The following SEMA3A variants were observed in gnomAD, a reference collection of about 807,000 sequenced individuals.
SEMA3A encodes semaphorin 3A, also known as semaphorin-3A.
In SEMA3A, 29 loss-of-function variants were observed where a neutral mutation model predicts 97.9. The ratio of observed to expected loss-of-function variants is 0.30; its 90% confidence interval spans 0.22 to 0.40. The LOEUF (loss-of-function observed/expected upper bound fraction) is 0.40. SEMA3A is among the 10% of genes least tolerant of loss of function. SEMA3A has a pLI of 1.00. For missense variants in SEMA3A, 763 were observed against 951.3 expected (o/e 0.80, Z 2.60); for synonymous variants, 321 against 323.7 (o/e 0.99, Z 0.09).
At chr7:84,077,543 C>T (rs930115419) in intron 4 of SEMA3A, among the ~76,000 whole-genome samples, 20 of 151,954 alleles carry the variant, frequency 1.3e-4, no homozygotes, top group South Asian at 8.3e-4. Flanking sequence ...TGGGAAGTGA[C>T]GAGGCCAAAA....
intron 4 of SEMA3A, among the ~76,000 whole-genome samples, chr7:84,088,160 A>C (rs1045664055): frequency 1.3e-5 from 2 of 152,182 alleles, no homozygotes; most frequent in Admixed American, 6.6e-5. Flanking sequence ...AAAAGTGTTT[A>C]TTGAAAGTAT....
At chr7:84,146,459 C>A (rs1006241181) in intron 1 of SEMA3A, among the ~76,000 whole-genome samples, 4 of 142,910 alleles carry the variant, frequency 2.8e-5, no homozygotes, top group African/African-American at 5.3e-5. Flanking sequence ...TATTTCTCCA[C>A]ATTTTTTTGC....
chr7:84,310,895 A>T (rs1801297989), intron 2 of SEMA3A, among the ~76,000 whole-genome samples: 1 of 151,844 alleles, frequency 6.6e-6, no homozygotes, highest in Non-Finnish European at 1.5e-5. Flanking sequence ...TGGGAAGATG[A>T]GGTAATTTGG....
chr7:84,435,357 C>A (rs1805098432), intron 1 of SEMA3A, among the ~76,000 whole-genome samples: 1 of 152,116 alleles, frequency 6.6e-6, no homozygotes, highest in Non-Finnish European at 1.5e-5. Context: ...TGCCTGTAAT[C>A]CCAGCACTTT....
intron 6 of SEMA3A, among the ~76,000 whole-genome samples, chr7:84,024,265 C>T (rs117079391): frequency 0.015 from 2,354 of 152,168 alleles, 35 homozygotes; most frequent in Middle Eastern, 0.027. Flanking sequence ...CTTGGCTGGG[C>T]GCGGTGGCTC....
chr7:84,195,631 T>A (rs1798207287), upstream of SEMA3A, among the ~76,000 whole-genome samples: 1 of 152,060 alleles, frequency 6.6e-6, no homozygotes, highest in Admixed American at 6.6e-5. Context: ...CAAATATAGG[T>A]CCTTTGAGAA....
At chr7:83,991,868 T>C (rs528393795) in intron 12 of SEMA3A, among the ~76,000 whole-genome samples, 1 of 145,684 alleles carries the variant, frequency 6.9e-6, no homozygotes, top group Admixed American at 6.9e-5. Flanking sequence ...TCTTTTTCTA[T>C]TGATTGGAAT....
At chr7:83,995,558 T>C (rs1211052607) in intron 12 of SEMA3A, among the ~76,000 whole-genome samples, 1 of 152,214 alleles carries the variant, frequency 6.6e-6, no homozygotes, top group African/African-American at 2.4e-5. Flanking sequence ...AGACAATATA[T>C]TATGATGACA....
chr7:84,431,587 T>G (rs1804982028), intron 1 of SEMA3A, among the ~76,000 whole-genome samples: 1 of 151,914 alleles, frequency 6.6e-6, no homozygotes, highest in African/African-American at 2.4e-5. Context: ...AAATAGAGTA[T>G]GTTCTAAAGA....
At chr7:84,304,910 C>G (rs1408074936) in intron 3 of SEMA3A, among the ~76,000 whole-genome samples, 2 of 151,820 alleles carry the variant, frequency 1.3e-5, no homozygotes, top group Non-Finnish European at 2.9e-5. Flanking sequence ...TATTTACTTT[C>G]CACTTTTTAA....
At position 84,299,338 on chromosome 7, in the gene SEMA3A, A is replaced by ATCTCTC. The variant is rs368421141; in HGVS notation, c.-83+7863_-83+7868dup. On this transcript the variant is annotated intron_variant, in intron 3 of 3. Transcript: ENST00000424555. The stretch of plus-strand genomic sequence containing the variant: ...TATATATATATCTCCATATATATGT[A>ATCTCTC]TCTCTCTCTCTCTCTCTCTCTCTCT... Among the ~76,000 whole-genome samples the ATCTCTC allele has an allele frequency of 1.6e-3, 178 of 112,928 alleles. 1 individual carries two copies. The highest frequency in any genetic ancestry group is 7.3e-3 in the East Asian group (26 of 3,568). 74.1% of individuals were successfully genotyped at this position (112,928 alleles called of 152,430 possible). A position where few individuals can be genotyped will look rare whatever the true frequency, so the allele number is the denominator to read the frequency against.
intron 1 of SEMA3A, among the ~76,000 whole-genome samples, chr7:84,405,279 A>G (rs1804046425): frequency 6.6e-6 from 1 of 152,214 alleles, no homozygotes; most frequent in South Asian, 2.1e-4. Flanking sequence ...AAACCAACAA[A>G]GATCAAAAGA....
intron 1 of SEMA3A, among the ~76,000 whole-genome samples, chr7:84,141,615 T>C (rs192619542): frequency 1.3e-5 from 2 of 152,216 alleles, no homozygotes; most frequent in East Asian, 3.9e-4. Context: ...CACCCACGTA[T>C]TAAACCTAGT....
intron 1 of SEMA3A, among the ~76,000 whole-genome samples, chr7:84,449,870 T>C (rs775840459): frequency 4.5e-4 from 69 of 152,294 alleles, no homozygotes; most frequent in Non-Finnish European, 7.3e-4. Context: ...TCACTTAGCA[T>C]AATATCCTCA....
chr7:83,963,070 A>G, intron 16 of SEMA3A, 135 bp downstream of exon 16: 1 of 925,368 alleles, frequency 1.1e-6, no homozygotes, highest in Non-Finnish European at 1.7e-6. Flanking sequence ...CACTTGTTCA[A>G]TGAATGAGCG....
Position 84,028,809 on chromosome 7 carries a change from C to T in SEMA3A, c.668-14458G>A, listed in dbSNP as rs1021892478. On this transcript the variant is annotated intron_variant, in intron 6 of 16. Transcript: ENST00000265362. ...TTTTTTTTTGTATTTTTAGTAGAGA[C>T]GGGGTTTCACCATGTCAGCCAGGAT... Among the ~76,000 whole-genome samples the T allele has an allele frequency of 4.6e-5, 7 of 151,820 alleles. No individual in the cohort carries two copies. In the East Asian group the frequency reaches 1.4e-3, roughly 29 times the overall value.
chr7:84,082,148 GT>G, intron 4 of SEMA3A, among the ~76,000 whole-genome samples: 1 of 152,084 alleles, frequency 6.6e-6, no homozygotes, highest in Non-Finnish European at 1.5e-5. Context: ...CTGACTCATG[GT>G]TTTGCTTTAA....
intron 1 of SEMA3A, among the ~76,000 whole-genome samples, chr7:84,461,378 T>C (rs1446003517): frequency 6.6e-6 from 1 of 152,104 alleles, no homozygotes. Context: ...TTCAAAATTA[T>C]AATGTTGCCC....
intron 1 of SEMA3A, among the ~76,000 whole-genome samples, chr7:84,389,368 G>A (rs1232443421): frequency 6.6e-6 from 1 of 152,050 alleles, no homozygotes; most frequent in Non-Finnish European, 1.5e-5. Context: ...ATTATTTTGT[G>A]AGTCTGAAGT....
Sources: gnomAD v4.1 joint callset for allele counts (sites outside exome capture counted in the v4.1 genomes callset) on GRCh38, gnomAD v4.1.1 for gene constraint, MANE v1.5 for transcripts, NCBI Gene and HGNC (gene_info 2026-07-23, HGNC 2026-07-21) for gene names.